MRC1: variants seen among roughly 807,000 people sequenced by gnomAD.
The protein encoded by MRC1 is macrophage mannose receptor 1.
MRC1 carries 62 observed loss-of-function variants against 102.9 expected under a neutral mutation model. The ratio of observed to expected loss-of-function variants is 0.60; its 90% CI spans 0.49 to 0.74. The LOEUF (loss-of-function observed/expected upper bound fraction) is 0.74. MRC1 is among the 30% of genes least tolerant of loss of function. The pLI is 0.00. For missense variants in MRC1, 1,237 were observed against 862.8 expected, an observed-to-expected ratio of 1.43 and a Z score of -5.43; for synonymous variants, 457 against 298.4, an observed-to-expected ratio of 1.53 and a Z score of -5.48.
At chr10:17,815,901 A>C (rs1838303775) in intron 1 of MRC1, among the ~76,000 whole-genome samples, 1 of 151,158 alleles carries the variant, frequency 6.6e-6, no homozygotes, top group Non-Finnish European at 1.5e-5. Flanking sequence ...ATCTTGGCTC[A>C]CTGCAACCTC....
chr10:17,861,213 T>G, intron 9 of MRC1, among the ~76,000 whole-genome samples, 174 bp from the exon 10 acceptor site: 1 of 152,296 alleles, frequency 6.6e-6, no homozygotes, highest in African/African-American at 2.4e-5. Flanking sequence ...CTCTGGAGAC[T>G]GAGGCAGGAG....
At chr10:17,820,160 A>G (rs1838373930) in intron 1 of MRC1, among the ~76,000 whole-genome samples, 1 of 152,182 alleles carries the variant, frequency 6.6e-6, no homozygotes, top group Admixed American at 6.5e-5. Context: ...CCTTTGTAAC[A>G]ACATCCAGTC....
At chr10:17,859,333 T>C (rs1003712152) in intron 9 of MRC1, among the ~76,000 whole-genome samples, 8 of 152,284 alleles carry the variant, frequency 5.3e-5, no homozygotes, top group Non-Finnish European at 1.0e-4. Context: ...TGTTGTTGTT[T>C]TTGAGAAGGA....
intron 26 of MRC1, 40 bp from the exon 27 acceptor site, chr10:17,906,845 TA>T: frequency 1.3e-6 from 1 of 780,580 alleles, no homozygotes. Context: ...TTCAGCTACT[TA>T]AATGTGCAGC....
chr10:17,908,609 GC>G (rs1316914276), intron 28 of MRC1, among the ~76,000 whole-genome samples: 2 of 148,330 alleles, frequency 1.3e-5, no homozygotes, highest in East Asian at 4.1e-4. Context: ...TCACTCTGTT[GC>G]CCACTCTGTT....
At chr10:17,862,548 A>T (rs1378456896) in intron 10 of MRC1, among the ~76,000 whole-genome samples, 2 of 151,990 alleles carry the variant, frequency 1.3e-5, no homozygotes, top group East Asian at 3.9e-4. Flanking sequence ...TTTTATATTT[A>T]TTTTTCCTTG....
intron 8 of MRC1, among the ~76,000 whole-genome samples, chr10:17,855,081 T>C (rs1014844534): frequency 2.6e-5 from 4 of 152,104 alleles, no homozygotes; most frequent in African/African-American, 9.7e-5. Context: ...AGAGAGGGGA[T>C]AGAATCTGAA....
chr10:17,863,146 CA>C (rs1477579964), intron 10 of MRC1: 6 of 200,532 alleles, frequency 3.0e-5, no homozygotes, highest in African/African-American at 1.4e-4. Context: ...CTTGCTTAAC[CA>C]AGAATTGAGT....
At chr10:17,845,504 G>C in intron 6 of MRC1, 69 bp downstream of exon 6, 1 of 773,058 alleles carries the variant, frequency 1.3e-6, no homozygotes, top group Non-Finnish European at 2.4e-6. Flanking sequence ...TTACAGCTTA[G>C]GTGTAACTGT....
At chr10:17,904,943 T>A (rs1833876870) in intron 26 of MRC1, among the ~76,000 whole-genome samples, 1 of 152,236 alleles carries the variant, frequency 6.6e-6, no homozygotes, top group African/African-American at 2.4e-5. Context: ...CCAACTATTA[T>A]CACTGCCTTA....
intron 18 of MRC1, among the ~76,000 whole-genome samples, chr10:17,878,597 C>A (rs1315873088): frequency 6.6e-6 from 1 of 151,946 alleles, no homozygotes; most frequent in Non-Finnish European, 1.5e-5. Context: ...ATTTTTTTAG[C>A]CTTACATGTT....
chr10:17,809,437 C>T lies in MRC1; in HGVS notation c.-29C>T. ...GTCTTAGTTCCGCCCTCCTGTCCAT[C>T]AGGAGAAGGAAAGGATAAACCCTGG... On this transcript the variant is annotated 5_prime_UTR_variant, in exon 1 of 30. Coordinates refer to ENST00000569591, the MANE Select transcript of MRC1 (RefSeq NM_002438.4). 1 of 872,668 alleles carries T rather than the reference C, an allele frequency of 1.1e-6. No homozygotes were observed. The highest frequency in any genetic ancestry group is 2.0e-6 in the Non-Finnish European group (1 of 501,454). The allele number at this position is 872,668 out of a possible 1,614,324, so 54.1% of individuals were successfully genotyped here.
At chr10:17,827,442 C>CAAA in intron 2 of MRC1, 100 bp from the exon 3 acceptor site, 2 of 497,778 alleles carry the variant, frequency 4.0e-6, no homozygotes, top group South Asian at 3.5e-5. Flanking sequence ...CAAGTGTAAT[C>CAAA]AGAACAGTAA....
intron 21 of MRC1, among the ~76,000 whole-genome samples, chr10:17,881,670 ATTTTTT>A (rs1184943960): frequency 0.25 from 25,618 of 102,994 alleles, 2,317 homozygotes; most frequent in Middle Eastern, 0.3. Flanking sequence ...ACAAATTTTG[ATTTTTT>A]TTTTTTTTTT....
chr10:17,866,855 C>T, intron 12 of MRC1, 94 bp downstream of exon 12: 2 of 760,534 alleles, frequency 2.6e-6, no homozygotes, highest in Admixed American at 1.8e-5. Context: ...AAAACCAAAA[C>T]ACTCTGCCCA....
Position 17,881,122 on chromosome 10 carries a change from G to A in MRC1, c.2921G>A (p.Arg974Gln). The change falls in exon 21 of 30, where the codon CGA (arginine) becomes CAA (glutamine). Residue 974 changes from arginine (R) to glutamine (Q), a missense_variant. Physicochemically the swap from Arg to Gln is conservative, Grantham distance 43. Transcript: ENST00000569591. Reference protein sequence around the residue: ...EEERKNWQEARKACIGFGGNL... With the variant: ...EEERKNWQEAQKACIGFGGNL... Reference sequence around the variant, plus strand: ...GAAAGAAAAAATTGGCAAGAGGCACGAAAAGCTTGTATAGGCTTTGGAGGG... The same window carrying A: ...GAAAGAAAAAATTGGCAAGAGGCACAAAAAGCTTGTATAGGCTTTGGAGGG... 1 of 780,724 alleles carries A rather than the reference G, an allele frequency of 1.3e-6. No homozygotes were observed. The highest frequency in any genetic ancestry group is 2.4e-6 in the Non-Finnish European group (1 of 417,920). 48.4% of individuals were successfully genotyped at this position (780,724 alleles called of 1,614,324 possible).
chr10:17,821,124 A>G (rs1217478231), intron 1 of MRC1, among the ~76,000 whole-genome samples: 1 of 152,180 alleles, frequency 6.6e-6, no homozygotes, highest in African/African-American at 2.4e-5. Flanking sequence ...CTGAGTTCCA[A>G]TTCCAAGAAA....
chr10:17,891,131 TTTTATTTATTTATTTATTTATTTATTTA>T (rs879194856), intron 22 of MRC1, among the ~76,000 whole-genome samples: 6 of 134,980 alleles, frequency 4.4e-5, no homozygotes, highest in African/African-American at 5.6e-5. Flanking sequence ...GTATCACTAG[TTTTATTTATTTATTTATTTATTTATTTA>T]TTTATTTATT....
rs947463697 is a variant in MRC1, at chr10:17,828,955, C to G, written c.637+1240C>G. On this transcript the variant is annotated intron_variant, in intron 3 of 29. Coordinates refer to ENST00000569591, the MANE Select transcript of MRC1 (RefSeq NM_002438.4). Reference sequence around the variant, plus strand: ...AAAGGAAGTATTCCTCTTAGCTTCACGTTCCCCATCACCAGACACCCTCCT... The same window carrying G: ...AAAGGAAGTATTCCTCTTAGCTTCAGGTTCCCCATCACCAGACACCCTCCT... Among the ~76,000 whole-genome samples the G allele has an allele frequency of 2.0e-5, 3 of 151,406 alleles. 1 individual carries two copies. Among genetic ancestry groups the G allele is most frequent in the African/African-American group, 7.4e-5 (3 of 40,696 alleles).
Sources: gnomAD v4.1 joint callset for allele counts (sites outside exome capture counted in the v4.1 genomes callset) on GRCh38, gnomAD v4.1.1 for gene constraint, MANE v1.5 for transcripts, NCBI Gene and HGNC (gene_info 2026-07-23, HGNC 2026-07-21) for gene names.